PPP1CB: variants seen among roughly 807,000 people sequenced by gnomAD.
PPP1CB encodes the protein protein phosphatase 1 catalytic subunit beta.
A neutral mutation model predicts 43.7 loss-of-function variants in PPP1CB; 2 were observed. That is an observed-to-expected ratio of 0.05 (90% CI 0.02 to 0.14). The LOEUF (loss-of-function observed/expected upper bound fraction) is 0.14, where lower values mean the gene tolerates loss of function less well. Among genes scored for constraint, PPP1CB ranks in the 10% least tolerant of loss-of-function variants. The probability of loss-of-function intolerance (pLI) is 1.00; values close to 1 mark genes in which losing one functional copy is unlikely to be tolerated. For synonymous variants in PPP1CB, 136 were observed against 135.6 expected, an observed-to-expected ratio of 1.00 and a Z score of -0.02; for missense variants, 84 against 398.0, an observed-to-expected ratio of 0.21 and a Z score of 6.71.
At chr2:28,776,227 G>A (rs1667037341) in intron 1 of PPP1CB, among the ~76,000 whole-genome samples, 1 of 149,880 alleles carries the variant, frequency 6.7e-6, no homozygotes, top group South Asian at 2.1e-4. Flanking sequence ...GTTTTTTTGT[G>A]TGTGTTTTTT....
intron 1 of PPP1CB, among the ~76,000 whole-genome samples, chr2:28,772,405 C>T (rs972002857): frequency 2.6e-5 from 4 of 152,156 alleles, no homozygotes; most frequent in Non-Finnish European, 4.4e-5. Context: ...ATTAAAAATA[C>T]TGATAATTTG....
chr2:28,752,788 T>G (rs1666354870), intron 1 of PPP1CB, among the ~76,000 whole-genome samples: 1 of 152,224 alleles, frequency 6.6e-6, no homozygotes, highest in South Asian at 2.1e-4. Flanking sequence ...CTAAAAAAAT[T>G]GTAAGACAAG....
intron 5 of PPP1CB, among the ~76,000 whole-genome samples, chr2:28,784,497 C>G (rs1473084765): frequency 6.6e-6 from 1 of 151,970 alleles, no homozygotes; most frequent in Admixed American, 6.6e-5. Flanking sequence ...TTCCTAGGCT[C>G]AAGCAATCCT....
intron 1 of PPP1CB, among the ~76,000 whole-genome samples, chr2:28,757,246 A>G (rs1460809368): frequency 6.6e-6 from 1 of 152,180 alleles, no homozygotes; most frequent in Non-Finnish European, 1.5e-5. Flanking sequence ...ATTCCATTGT[A>G]TGTATACACC....
chr2:28,768,683 G>A (rs531748688), intron 1 of PPP1CB, among the ~76,000 whole-genome samples: 1 of 152,274 alleles, frequency 6.6e-6, no homozygotes, highest in Admixed American at 6.5e-5. Context: ...AAAGGAAACA[G>A]CCTTCTTTGG....
intron 2 of PPP1CB, among the ~76,000 whole-genome samples, chr2:28,778,078 G>A (rs1301045065): frequency 6.6e-6 from 1 of 152,200 alleles, no homozygotes; most frequent in African/African-American, 2.4e-5. Context: ...TAGTTACTTA[G>A]AGGTGATCTT....
intron 1 of PPP1CB, among the ~76,000 whole-genome samples, chr2:28,768,684 C>T (rs1666834373): frequency 6.6e-6 from 1 of 152,130 alleles, no homozygotes; most frequent in South Asian, 2.1e-4. Context: ...AAGGAAACAG[C>T]CTTCTTTGGA....
intron 1 of PPP1CB, 108 bp downstream of exon 1, chr2:28,752,284 C>A: frequency 9.2e-7 from 1 of 1,083,888 alleles, no homozygotes. Flanking sequence ...CGCCCCGAGA[C>A]GAGTCTCTGG....
chr2:28,777,133 A>C (rs1033639454), intron 2 of PPP1CB, 151 bp downstream of exon 2: 5 of 751,948 alleles, frequency 6.6e-6, no homozygotes, highest in Non-Finnish European at 1.0e-5. Flanking sequence ...GAAACTTATA[A>C]AAATGACAAG....
At chr2:28,752,606 T>C (rs1666344321) in intron 1 of PPP1CB, among the ~76,000 whole-genome samples, 1 of 152,236 alleles carries the variant, frequency 6.6e-6, no homozygotes, top group Admixed American at 6.5e-5. Context: ...GCATTGCCCT[T>C]GGCTGCCTCC....
intron 1 of PPP1CB, among the ~76,000 whole-genome samples, chr2:28,754,287 T>G (rs1309656552): frequency 1.2e-4 from 18 of 150,592 alleles, no homozygotes; most frequent in Non-Finnish European, 1.5e-5. Flanking sequence ...TCCATTTGTT[T>G]TTGTGAATTC....
rs55736905 is a variant in PPP1CB at position 28,800,226 on chromosome 2, C to CTTTTTTTTTTTTTTTTTTTTT, written c.*926_*946dup. 63 of 65,608 alleles carry CTTTTTTTTTTTTTTTTTTTTT rather than the reference C, an allele frequency of 9.6e-4. No individual in the cohort carries two copies. Among genetic ancestry groups the CTTTTTTTTTTTTTTTTTTTTT allele is most frequent in the Admixed American group, 1.3e-3 (6 of 4,780 alleles). 4.1% of individuals were successfully genotyped at this position (65,608 alleles called of 1,614,324 possible). ...TTGGTTTTCTTTTTCTTTTTTCTTT[C>CTTTTTTTTTTTTTTTTTTTTT]TTTTTTTTTTTTTTTTTTTTTTTGA... On this transcript the variant is annotated 3_prime_UTR_variant, in exon 8 of 8. Coordinates refer to ENST00000395366, the MANE Select transcript of PPP1CB (RefSeq NM_002709.3).
intron 3 of PPP1CB, 77 bp from the exon 4 acceptor site, chr2:28,781,661 C>A: frequency 1.0e-6 from 1 of 979,820 alleles, no homozygotes; most frequent in Non-Finnish European, 1.6e-6. Context: ...TGAAATCATT[C>A]ATAATCCTGC....
At chr2:28,765,570 G>C (rs1666762182) in intron 1 of PPP1CB, among the ~76,000 whole-genome samples, 1 of 152,224 alleles carries the variant, frequency 6.6e-6, no homozygotes, top group Admixed American at 6.5e-5. Flanking sequence ...CTGCAAAATT[G>C]TGTGGGAATG....
intron 5 of PPP1CB, among the ~76,000 whole-genome samples, chr2:28,787,115 A>G (rs1558308530): frequency 2.0e-5 from 3 of 152,148 alleles, no homozygotes; most frequent in South Asian, 4.1e-4. Context: ...AAACCATACT[A>G]TGATGTTTAT....
At chr2:28,780,415 G>T (rs992178026) in intron 3 of PPP1CB, among the ~76,000 whole-genome samples, 1 of 152,102 alleles carries the variant, frequency 6.6e-6, no homozygotes, top group Non-Finnish European at 1.5e-5. Flanking sequence ...TAATAGAAAT[G>T]ATTCTGTATT....
intron 4 of PPP1CB, among the ~76,000 whole-genome samples, chr2:28,782,301 C>T (rs985976122): frequency 3.3e-5 from 5 of 152,066 alleles, no homozygotes; most frequent in Non-Finnish European, 4.4e-5. Context: ...TGGTAGGTTA[C>T]TCTGTATGGC....
chr2:28,752,387 G>A (rs996705871), intron 1 of PPP1CB, among the ~76,000 whole-genome samples: 3 of 152,192 alleles, frequency 2.0e-5, no homozygotes, highest in Admixed American at 1.3e-4. Context: ...GAGATCGGGG[G>A]AGAGGGGGCC....
intron 1 of PPP1CB, among the ~76,000 whole-genome samples, chr2:28,774,597 T>C (rs1190944023): frequency 6.6e-6 from 1 of 152,130 alleles, no homozygotes; most frequent in African/African-American, 2.4e-5. Flanking sequence ...GGCTAATTCT[T>C]GTATTTTTAG....
Sources: gnomAD v4.1 joint callset for allele counts (sites outside exome capture counted in the v4.1 genomes callset) on GRCh38, gnomAD v4.1.1 for gene constraint, MANE v1.5 for transcripts, NCBI Gene and HGNC (gene_info 2026-07-23, HGNC 2026-07-21) for gene names.